UGP2: variants seen among roughly 807,000 people sequenced by gnomAD.
UGP2 encodes the protein UDP-glucose pyrophosphorylase 2.
A neutral mutation model predicts 49.0 loss-of-function variants in UGP2; 40 were observed. The ratio of observed to expected loss-of-function variants is 0.82; its 90% CI spans 0.63 to 1.06. The LOEUF is 1.06. Ranked by LOEUF, UGP2 falls within the 50% of genes least tolerant of loss-of-function variation. The pLI is 0.00. For synonymous variants in UGP2, 225 were observed against 213.0 expected (o/e 1.06, Z -0.49); for missense variants, 460 against 603.5 (o/e 0.76, Z 2.49).
intron 3 of UGP2, among the ~76,000 whole-genome samples, chr2:63,868,067 C>T (rs1670294741): frequency 1.3e-5 from 2 of 152,200 alleles, no homozygotes; most frequent in African/African-American, 4.8e-5. Flanking sequence ...TTACCTTTAA[C>T]CAGCAACTCC....
chr2:63,882,637 G>A lies in UGP2; in HGVS notation c.427G>A (p.Val143Ile), dbSNP rs144988193. 1 of 1,569,450 alleles carries A rather than the reference G, an allele frequency of 6.4e-7. No individual in the cohort carries two copies. Among genetic ancestry groups the A allele is most frequent in the Non-Finnish European group, 8.7e-7 (1 of 1,149,784 alleles). ...TGAGAATACCTTTCTGGATCTGACT[G>A]TTCAGCAAATTGAAGTGAGTAACAT... The part of the protein sequence containing the change: ...RNENTFLDLT[V>I]QQIEHLNKTY... Residue 143 changes from valine (V) to isoleucine (I), a missense_variant, in exon 4 of 10, where the codon GTT becomes ATT. Physicochemically the swap from Val to Ile is conservative, Grantham distance 29. Coordinates refer to ENST00000337130, the MANE Select transcript of UGP2 (RefSeq NM_006759.4).
chr2:63,861,741 T>C (rs1669868219), intron 3 of UGP2, among the ~76,000 whole-genome samples: 1 of 148,894 alleles, frequency 6.7e-6, no homozygotes, highest in South Asian at 2.1e-4. Context: ...TTTAATAGGA[T>C]CAAAAGAGTG....
intron 1 of UGP2, among the ~76,000 whole-genome samples, chr2:63,853,459 A>G (rs1180727701): frequency 6.6e-6 from 1 of 152,046 alleles, no homozygotes; most frequent in African/African-American, 2.4e-5. Flanking sequence ...TCATTTCCCG[A>G]TTTAAGATTA....
chr2:63,880,442 GA>G (rs1420467025), intron 3 of UGP2, among the ~76,000 whole-genome samples: 2 of 152,220 alleles, frequency 1.3e-5, no homozygotes, highest in East Asian at 3.9e-4. Flanking sequence ...TTAGAGGTGT[GA>G]GCCACCGCAT....
At chr2:63,879,841 CTT>C (rs1420119969) in intron 3 of UGP2, among the ~76,000 whole-genome samples, 2 of 152,096 alleles carry the variant, frequency 1.3e-5, no homozygotes, top group Non-Finnish European at 2.9e-5. Context: ...GCTGTGTACT[CTT>C]TTTTTAAAGT....
rs750485144 is a variant in UGP2 at position 63,885,619 on chromosome 2, T to C, written c.606T>C (p.Leu202=). Residue 202 remains leucine, a synonymous_variant, in exon 6 of 10, where the codon CTT becomes CTC. Transcript: ENST00000337130. ...CGAGGATTAATAAAGAATCTTTACTTCCTGTAGCAAAGGACGTGTCTTACT... is the reference window on the plus strand; with the variant it reads ...CGAGGATTAATAAAGAATCTTTACTCCCTGTAGCAAAGGACGTGTCTTACT... ...RYPRINKESL[L]PVAKDVSYSG... is the part of the protein sequence containing the mutation. 1.3e-6 allele frequency: 2 copies of C among 1,576,138 alleles called. No individual in the cohort carries two copies. Among genetic ancestry groups the C allele is most frequent in the Non-Finnish European group, 8.6e-7 (1 of 1,167,870 alleles).
At chr2:63,875,756 G>A (rs955193693) in intron 3 of UGP2, among the ~76,000 whole-genome samples, 1 of 152,216 alleles carries the variant, frequency 6.6e-6, no homozygotes, top group Non-Finnish European at 1.5e-5. Context: ...TTTGCCAGGA[G>A]CCTCATGCGG....
intron 3 of UGP2, among the ~76,000 whole-genome samples, chr2:63,863,911 T>G (rs1670011793): frequency 6.6e-6 from 1 of 152,238 alleles, no homozygotes; most frequent in African/African-American, 2.4e-5. Context: ...AGATTTCTAT[T>G]TATAGATGGG....
intron 1 of UGP2, among the ~76,000 whole-genome samples, chr2:63,849,921 C>G (rs749059129): frequency 2.6e-5 from 4 of 152,180 alleles, no homozygotes; most frequent in Non-Finnish European, 4.4e-5. Context: ...AGTTACACGG[C>G]AGGACTACCG....
intron 1 of UGP2, chr2:63,855,520 G>GTTTTTTTTTTTTTTTTTTTTTTTTC (rs372160888): frequency 6.2e-5 from 12 of 194,312 alleles, no homozygotes; most frequent in South Asian, 2.0e-4. Flanking sequence ...TTCTTTTTCT[G>GTTTTTTTTTTTTTTTTTTTTTTTTC]TTTTTTTTTT....
Position 63,854,070 on chromosome 2 carries a change from A to G in UGP2, c.20-2236A>G, listed in dbSNP as rs551270206. On this transcript the variant is annotated intron_variant, in intron 1 of 9. Transcript: ENST00000337130. ...AAGAGAGCCAGGCCAGGAAAAAAAC[A>G]TTAGCAAGGTATTTCTGCCTCACTG... 2.1e-4 allele frequency among the ~76,000 whole-genome samples: 32 copies of G among 152,316 alleles called. No individual in the cohort carries two copies. The Middle Eastern group carries it at 0.01, about 49-fold the overall frequency.
chr2:63,842,181 C>T lies in UGP2; in HGVS notation c.-5C>T. 6.3e-7 allele frequency: 1 copy of T among 1,592,746 alleles called. No homozygotes were observed. The highest frequency in any genetic ancestry group is 8.5e-7 in the Non-Finnish European group (1 of 1,174,282). ...AAAGCCGGAGTATTTTACTAAGCCC[C>T]TAAAATGTCGAGATTTGTACAAGGT... On this transcript the variant is annotated 5_prime_UTR_variant, in exon 1 of 10. Coordinates refer to ENST00000337130, the MANE Select transcript of UGP2 (RefSeq NM_006759.4).
intron 1 of UGP2, chr2:63,855,975 G>A (rs1041590564): frequency 8.5e-6 from 2 of 235,198 alleles, no homozygotes; most frequent in Non-Finnish European, 1.7e-5. Context: ...ACACACGTAA[G>A]CAGTGGAAAG....
At chr2:63,844,717 A>G (rs1022273254) in intron 1 of UGP2, among the ~76,000 whole-genome samples, 2 of 152,108 alleles carry the variant, frequency 1.3e-5, no homozygotes, top group African/African-American at 2.4e-5. Flanking sequence ...GCACACCACC[A>G]TGCCTGGCTA....
At chr2:63,871,036 T>G (rs867959991) in intron 3 of UGP2, among the ~76,000 whole-genome samples, 1 of 152,248 alleles carries the variant, frequency 6.6e-6, no homozygotes, top group Non-Finnish European at 1.5e-5. Context: ...AAATTAAATT[T>G]TAAATTGTAA....
At chr2:63,883,833 C>A in intron 4 of UGP2, 127 bp from the exon 5 acceptor site, 2 of 1,209,820 alleles carry the variant, frequency 1.7e-6, no homozygotes, top group Non-Finnish European at 1.1e-6. Flanking sequence ...TTTGTCAAAT[C>A]TGTATATTTG....
chr2:63,859,003 CTT>C (rs1400050164), intron 3 of UGP2, among the ~76,000 whole-genome samples: 2 of 135,138 alleles, frequency 1.5e-5, no homozygotes, highest in African/African-American at 2.7e-5. Flanking sequence ...TTTCTTTTTT[CTT>C]TTTTTTTTTT....
At chr2:63,857,641 A>C (rs760461703) in intron 2 of UGP2, 188 bp from the exon 3 acceptor site, 4 of 637,490 alleles carry the variant, frequency 6.3e-6, no homozygotes, top group Non-Finnish European at 1.1e-5. Context: ...CTGGGATTAC[A>C]GGCATGCACC....
At chr2:63,844,852 A>G (rs1671823879) in intron 1 of UGP2, among the ~76,000 whole-genome samples, 1 of 152,198 alleles carries the variant, frequency 6.6e-6, no homozygotes, top group African/African-American at 2.4e-5. Flanking sequence ...GTGAGCTGCT[A>G]GTGCACAGCA....
Sources: allele counts gnomAD v4.1 joint callset (sites outside exome capture counted in the v4.1 genomes callset), GRCh38; gene constraint gnomAD v4.1.1; transcripts MANE v1.5; gene names NCBI Gene and HGNC (gene_info 2026-07-23, HGNC 2026-07-21).